The following ANO10 variants were observed in gnomAD, a reference collection of about 807,000 sequenced individuals.
ANO10 encodes the protein anoctamin 10.
Under a neutral mutation model 74.7 loss-of-function variants are expected in ANO10, and 77 were observed. That is an observed-to-expected ratio of 1.03 (90% confidence interval 0.86 to 1.25). The LOEUF (loss-of-function observed/expected upper bound fraction) is 1.25, where lower values mean the gene tolerates loss of function less well. ANO10 is among the 50% of genes most tolerant of loss of function. The pLI is 0.00. For synonymous variants in ANO10, 279 were observed against 284.9 expected, an observed-to-expected ratio of 0.98 and a Z score of 0.21; for missense variants, 721 against 778.1, an observed-to-expected ratio of 0.93 and a Z score of 0.87.
chr3:43,614,801 A>AAGATATATATATATATATATATATATG lies in ANO10; in HGVS notation c.-12+7107_-12+7108insCATATATATATATATATATATATATCT, dbSNP rs1553741772. ...TATATATATATATATATATATATAT[A>AAGATATATATATATATATATATATATG]TAGGTTCATTACAGTTTTTTATGGA... On this transcript the variant is annotated intron_variant, in intron 1 of 12. Transcript: ENST00000292246. Among the ~76,000 whole-genome samples, 22 of 99,402 alleles carry AAGATATATATATATATATATATATATG rather than the reference A, an allele frequency of 2.2e-4. 1 individual carries two copies. Among genetic ancestry groups the AAGATATATATATATATATATATATATG allele is most frequent in the African/African-American group, 6.8e-4 (21 of 31,096 alleles). 65.2% of individuals were successfully genotyped at this position (99,402 alleles called of 152,430 possible). A position where few individuals can be genotyped will look rare whatever the true frequency, so the allele number is the denominator to read the frequency against.
At chr3:43,393,884 C>T (rs573333825) in intron 12 of ANO10, among the ~76,000 whole-genome samples, 3 of 152,184 alleles carry the variant, frequency 2.0e-5, no homozygotes, top group Admixed American at 6.5e-5. Context: ...CAGATCTTGG[C>T]CTTTTCCAGA....
intron 2 of ANO10, among the ~76,000 whole-genome samples, chr3:43,601,340 G>A (rs944448126): frequency 6.6e-6 from 1 of 152,040 alleles, no homozygotes; most frequent in Non-Finnish European, 1.5e-5. Flanking sequence ...CGAGTAGCTG[G>A]GACTACAGGT....
At chr3:43,532,700 T>G (rs1390899473) in intron 11 of ANO10, among the ~76,000 whole-genome samples, 1 of 152,206 alleles carries the variant, frequency 6.6e-6, no homozygotes, top group African/African-American at 2.4e-5. Context: ...TCAAGCTATA[T>G]CTTTATAGTT....
At chr3:43,629,363 A>G (rs1444944396) in intron 1 of ANO10, among the ~76,000 whole-genome samples, 1 of 152,242 alleles carries the variant, frequency 6.6e-6, no homozygotes, top group Non-Finnish European at 1.5e-5. Context: ...CCTTTTCATC[A>G]TCTATGAAGA....
chr3:43,380,864 G>A (rs552335938), intron 12 of ANO10, among the ~76,000 whole-genome samples: 57 of 152,254 alleles, frequency 3.7e-4, no homozygotes, highest in Non-Finnish European at 7.5e-4. Context: ...GTATTAATCC[G>A]TTCTCACGCT....
intron 1 of ANO10, among the ~76,000 whole-genome samples, chr3:43,658,721 G>A (rs2083886450): frequency 6.6e-6 from 1 of 152,028 alleles, no homozygotes; most frequent in Non-Finnish European, 1.5e-5. Flanking sequence ...GCCCACCTTG[G>A]CCACCCAAAG....
chr3:43,515,209 T>G (rs2077659983), intron 11 of ANO10, among the ~76,000 whole-genome samples: 1 of 152,224 alleles, frequency 6.6e-6, no homozygotes. Context: ...AAACATTATT[T>G]CTGGCTGTGT....
intron 12 of ANO10, among the ~76,000 whole-genome samples, chr3:43,373,554 T>C (rs2091693708): frequency 6.6e-6 from 1 of 152,244 alleles, no homozygotes; most frequent in African/African-American, 2.4e-5. Context: ...CTGCTTTCTC[T>C]GCACATCTGG....
chr3:43,556,790 A>G (rs2079773580), intron 9 of ANO10, among the ~76,000 whole-genome samples: 1 of 152,204 alleles, frequency 6.6e-6, no homozygotes, highest in African/African-American at 2.4e-5. Context: ...GAGAAGATAA[A>G]AAAATCAGAA....
chr3:43,400,821 T>C (rs534495520), intron 12 of ANO10, among the ~76,000 whole-genome samples: 29 of 152,110 alleles, frequency 1.9e-4, no homozygotes, highest in African/African-American at 7.0e-4. Context: ...GACTGTGGAA[T>C]AGCATGGTTG....
intron 4 of ANO10, among the ~76,000 whole-genome samples, chr3:43,588,462 T>C (rs2081577264): frequency 6.6e-6 from 1 of 151,754 alleles, no homozygotes; most frequent in South Asian, 2.1e-4. Context: ...AAAAAAGCAA[T>C]TTCAACATAA....
At chr3:43,604,185 T>A (rs539080738) in intron 2 of ANO10, among the ~76,000 whole-genome samples, 1 of 151,796 alleles carries the variant, frequency 6.6e-6, no homozygotes, top group East Asian at 1.9e-4. Context: ...GTAGTTAGCA[T>A]ACCCATCATC....
chr3:43,480,330 A>C (rs1039481244), intron 11 of ANO10, among the ~76,000 whole-genome samples: 1 of 152,216 alleles, frequency 6.6e-6, no homozygotes, highest in Non-Finnish European at 1.5e-5. Context: ...CACAGAACTG[A>C]AGAACAGGTG....
At chr3:43,640,265 G>A (rs1175925155) in intron 1 of ANO10, among the ~76,000 whole-genome samples, 3 of 152,186 alleles carry the variant, frequency 2.0e-5, no homozygotes, top group Non-Finnish European at 2.9e-5. Context: ...TGTGGAAAGA[G>A]TTTACTTGAA....
At chr3:43,553,868 A>T (rs1343401956) in intron 10 of ANO10, among the ~76,000 whole-genome samples, 1 of 152,012 alleles carries the variant, frequency 6.6e-6, no homozygotes, top group Admixed American at 6.6e-5. Context: ...CCAGTTTCTG[A>T]TTCTTTCCTC....
At chr3:43,408,546 T>C (rs1466248832) in intron 12 of ANO10, among the ~76,000 whole-genome samples, 1 of 152,126 alleles carries the variant, frequency 6.6e-6, no homozygotes, top group Non-Finnish European at 1.5e-5. Flanking sequence ...AAAAGGTGCA[T>C]AAAGATTGTC....
chr3:43,401,924 G>GGT (rs1304646753), intron 12 of ANO10, among the ~76,000 whole-genome samples: 1 of 152,094 alleles, frequency 6.6e-6, no homozygotes, highest in Non-Finnish European at 1.5e-5. Flanking sequence ...CAAGGGAGTG[G>GGT]GTGTCACCCT....
intron 8 of ANO10, among the ~76,000 whole-genome samples, chr3:43,565,211 T>C (rs1013293923): frequency 3.9e-5 from 6 of 152,160 alleles, no homozygotes; most frequent in African/African-American, 1.4e-4. Context: ...CACACCAAAA[T>C]AAATGTCAGA....
At chr3:43,496,718 T>TC (rs886473338) in intron 11 of ANO10, among the ~76,000 whole-genome samples, 1 of 152,058 alleles carries the variant, frequency 6.6e-6, no homozygotes, top group Non-Finnish European at 1.5e-5. Context: ...TTACCATGTC[T>TC]CCCCCTTTCT....
Sources: gnomAD v4.1 joint callset for allele counts (sites outside exome capture counted in the v4.1 genomes callset) on GRCh38, gnomAD v4.1.1 for gene constraint, MANE v1.5 for transcripts, NCBI Gene and HGNC (gene_info 2026-07-23, HGNC 2026-07-21) for gene names.